LIMS1: variants seen among roughly 807,000 people sequenced by gnomAD.
LIMS1 encodes LIM and senescent cell antigen-like-containing domain protein 1.
LIMS1 carries 18 observed loss-of-function variants against 44.1 expected under a neutral mutation model. That is an observed-to-expected ratio of 0.41 (90% CI 0.28 to 0.61). The LOEUF is 0.61. Ranked by LOEUF, LIMS1 falls within the 20% of genes least tolerant of loss-of-function variation. LIMS1 has a pLI of 0.32. For missense variants in LIMS1, 201 were observed against 422.0 expected (o/e 0.48, Z 4.59); for synonymous variants, 93 against 149.1 (o/e 0.62, Z 2.74).
intron 9 of LIMS1, among the ~76,000 whole-genome samples, 188 bp from the exon 10 acceptor site, chr2:108,683,697 T>C (rs1693157652): frequency 6.6e-6 from 1 of 152,126 alleles, no homozygotes; most frequent in Admixed American, 6.5e-5. Context: ...TTTAAAATTA[T>C]ACTGAATTTT....
At chr2:108,534,701 C>T (rs1402535923) in intron 1 of LIMS1, 107 bp downstream of exon 1, 11 of 593,630 alleles carry the variant, frequency 1.9e-5, no homozygotes, top group Admixed American at 6.4e-5. Flanking sequence ...CGGGCTTTCC[C>T]CGCGGCCTCC....
chr2:108,567,351 C>G (rs907285620), intron 1 of LIMS1, among the ~76,000 whole-genome samples: 1 of 152,090 alleles, frequency 6.6e-6, no homozygotes, highest in African/African-American at 2.4e-5. Flanking sequence ...GGTTGGTTCC[C>G]ATCTTGCTCC....
At chr2:108,578,809 TG>T (rs781069313) in intron 1 of LIMS1, among the ~76,000 whole-genome samples, 2 of 152,020 alleles carry the variant, frequency 1.3e-5, no homozygotes, top group Non-Finnish European at 2.9e-5. Context: ...TTAGCCAGGA[TG>T]GTCTCAATCT....
intron 1 of LIMS1, among the ~76,000 whole-genome samples, chr2:108,597,592 A>G (rs1024268977): frequency 6.6e-6 from 1 of 152,048 alleles, no homozygotes; most frequent in Non-Finnish European, 1.5e-5. Flanking sequence ...AAAGAGACAG[A>G]GGCACACACA....
At chr2:108,656,554 C>T (rs2148958299) in intron 1 of LIMS1, among the ~76,000 whole-genome samples, 1 of 151,852 alleles carries the variant, frequency 6.6e-6, no homozygotes. Flanking sequence ...GCCAGAGGGT[C>T]AAAGGCAAAA....
rs183548691 is a variant in LIMS1, at chr2:108,621,929, A to T, written c.33-37676A>T. ...CAAAGGAATGCAGTGGAACTATTCA[A>T]TGTAGCCTAGGAAGGAAGGACATCA... On this transcript the variant is annotated intron_variant, in intron 1 of 9. Coordinates refer to ENST00000544547, the Ensembl canonical transcript of LIMS1. Among the ~76,000 whole-genome samples the T allele has an allele frequency of 7.2e-5, 11 of 152,298 alleles. No individual in the cohort carries two copies. In the East Asian group the frequency reaches 2.1e-3, roughly 29 times the overall value.
At chr2:108,662,557 T>C in intron 2 of LIMS1, 3 of 1,226,564 alleles carry the variant, frequency 2.4e-6, no homozygotes, top group Non-Finnish European at 3.2e-6. Flanking sequence ...AAATTGTTTA[T>C]CATTAAAACC....
chr2:108,610,147 AAT>A (rs1491435424), intron 1 of LIMS1, among the ~76,000 whole-genome samples: 4 of 122,520 alleles, frequency 3.3e-5, no homozygotes, highest in Non-Finnish European at 5.0e-5. Context: ...TGTTACAAAA[AAT>A]GTGTGTGTGT....
chr2:108,554,139 A>G (rs1271463628), intron 1 of LIMS1, among the ~76,000 whole-genome samples: 1 of 152,162 alleles, frequency 6.6e-6, no homozygotes, highest in Non-Finnish European at 1.5e-5. Context: ...ATGTTGGGGA[A>G]CACCTTGTTA....
chr2:108,671,951 G>T (rs541772162), intron 3 of LIMS1, among the ~76,000 whole-genome samples: 1 of 152,198 alleles, frequency 6.6e-6, no homozygotes, highest in African/African-American at 2.4e-5. Flanking sequence ...AGGCCAAGAC[G>T]GGCGGATCAC....
intron 1 of LIMS1, among the ~76,000 whole-genome samples, chr2:108,553,505 A>G (rs1380321581): frequency 3.9e-5 from 6 of 152,212 alleles, no homozygotes; most frequent in Non-Finnish European, 8.8e-5. Context: ...CCAAAATACT[A>G]GAGTTAGAAG....
intron 2 of LIMS1, among the ~76,000 whole-genome samples, chr2:108,661,691 G>A (rs1691383343): frequency 6.6e-6 from 1 of 152,298 alleles, no homozygotes; most frequent in East Asian, 1.9e-4. Flanking sequence ...GGTGGTAGTG[G>A]TGGTGAGCCA....
At chr2:108,636,793 A>G (rs892045748) in intron 1 of LIMS1, among the ~76,000 whole-genome samples, 2 of 152,168 alleles carry the variant, frequency 1.3e-5, no homozygotes, top group Non-Finnish European at 2.9e-5. Flanking sequence ...TCCGTGACAG[A>G]GAATGGAGAG....
chr2:108,683,674 A>G (rs1383743301), intron 9 of LIMS1, among the ~76,000 whole-genome samples: 3 of 152,000 alleles, frequency 2.0e-5, no homozygotes, highest in Non-Finnish European at 2.9e-5. Flanking sequence ...GAACCAATTT[A>G]TAAGGACTTT....
intron 1 of LIMS1, among the ~76,000 whole-genome samples, chr2:108,614,741 T>C (rs1382525943): frequency 3.3e-5 from 5 of 152,218 alleles, no homozygotes; most frequent in African/African-American, 7.2e-5. Context: ...GCCTTTAAGA[T>C]TAGACTGCAC....
chr2:108,632,745 C>T (rs866990665), intron 1 of LIMS1, among the ~76,000 whole-genome samples: 1 of 152,116 alleles, frequency 6.6e-6, no homozygotes, highest in Non-Finnish European at 1.5e-5. Flanking sequence ...TACATGAGTG[C>T]CTGGGATTGT....
intron 1 of LIMS1, among the ~76,000 whole-genome samples, chr2:108,545,697 C>T (rs1189774648): frequency 6.6e-6 from 1 of 152,164 alleles, no homozygotes; most frequent in East Asian, 1.9e-4. Flanking sequence ...GGGCTCATAG[C>T]TGGAGGAGAA....
chr2:108,605,497 T>G (rs1370639763), intron 1 of LIMS1, among the ~76,000 whole-genome samples: 1 of 152,208 alleles, frequency 6.6e-6, no homozygotes, highest in Non-Finnish European at 1.5e-5. Context: ...TTTTTAAAAT[T>G]TTCCATATTT....
At chr2:108,662,198 CCTT>C (rs977649526) in intron 2 of LIMS1, 1 of 1,611,910 alleles carries the variant, frequency 6.2e-7, no homozygotes, top group African/African-American at 1.3e-5. Flanking sequence ...CCCTCCGTCA[CCTT>C]CTTTCTCCCA....
Sources: gnomAD v4.1 joint callset for allele counts (sites outside exome capture counted in the v4.1 genomes callset) on GRCh38, gnomAD v4.1.1 for gene constraint, MANE v1.5 for transcripts, NCBI Gene and HGNC (gene_info 2026-07-23, HGNC 2026-07-21) for gene names.